Variants in ARHGAP44 observed in about 807,000 individuals in gnomAD.
The protein encoded by ARHGAP44 is rho GTPase-activating protein 44.
ARHGAP44 carries 43 observed loss-of-function variants against 106.8 expected under a neutral mutation model. That is an observed-to-expected ratio of 0.40 (90% CI 0.32 to 0.52). The LOEUF (loss-of-function observed/expected upper bound fraction) is 0.52, where lower values mean the gene tolerates loss of function less well. Among genes scored for constraint, ARHGAP44 ranks in the 20% least tolerant of loss-of-function variants. The probability of loss-of-function intolerance (pLI) is 0.48; values close to 1 mark genes in which losing one functional copy is unlikely to be tolerated. For missense variants in ARHGAP44, 866 were observed against 1,050.5 expected, an observed-to-expected ratio of 0.82 and a Z score of 2.43; for synonymous variants, 439 against 410.3, an observed-to-expected ratio of 1.07 and a Z score of -0.85.
rs773023494 is a variant in ARHGAP44, at chr17:12,980,105, G to A, written c.1811G>A (p.Ser604Asn). 19 of 1,613,688 alleles carry A rather than the reference G, an allele frequency of 1.2e-5. No homozygotes were observed. The highest frequency in any genetic ancestry group is 1.6e-5 in the Non-Finnish European group (19 of 1,179,746). Residue 604 changes from serine (S) to asparagine (N), a missense_variant, in exon 19 of 21, where the codon AGT becomes AAT. By Grantham distance (46) the Ser-to-Asn change is conservative. This residue lies in a region of ARHGAP44 where 418 missense variants were observed against 403.6 expected (regional missense o/e 1.04). Coordinates refer to ENST00000379672, the MANE Select transcript of ARHGAP44 (RefSeq NM_014859.6). ...TCTCCAGGCTCTGCACAGAAAGGAA[G>A]TCCAGGCTCCAGCCAGGGCACAGCC... ...ELSPGSAQKG[S>N]PGSSQGTACA... is the part of the protein sequence containing the mutation.
Position 12,955,971 on chromosome 17 carries a change from A to T in ARHGAP44, c.1241A>T (p.Gln414Leu). 2 of 1,611,548 alleles carry T rather than the reference A, an allele frequency of 1.2e-6. No homozygotes were observed. Among genetic ancestry groups the T allele is most frequent in the Non-Finnish European group, 1.7e-6 (2 of 1,178,080 alleles). Residue 414 changes from glutamine to leucine, a missense_variant, in exon 14 of 21, where the codon CAA becomes CTA. Physicochemically the swap from Gln to Leu is moderately radical, Grantham distance 113 (BLOSUM62 -2). Around this residue, in one of 2 missense-constraint regions of ARHGAP44, gnomAD observed 448 missense variants for 646.9 expected, o/e 0.69. Transcript: ENST00000379672. ...IVLGPNLLWPQAEGNITEMMT... is the reference protein window; with the variant it reads ...IVLGPNLLWPLAEGNITEMMT... ...TTAGGACCCAACCTCCTATGGCCAC[A>T]AGCAGAAGGGTAAGTACAGGGCGGA...
intron 1 of ARHGAP44, among the ~76,000 whole-genome samples, chr17:12,875,198 C>T (rs577524054): frequency 1.3e-5 from 2 of 152,204 alleles, no homozygotes; most frequent in Non-Finnish European, 2.9e-5. Context: ...TTATTTTTAA[C>T]AAATCTTCAA....
At chr17:12,795,970 A>G (rs2033905605) in intron 1 of ARHGAP44, among the ~76,000 whole-genome samples, 1 of 152,062 alleles carries the variant, frequency 6.6e-6, no homozygotes, top group Non-Finnish European at 1.5e-5. Flanking sequence ...ACAGAATTCA[A>G]TTTACTTTTT....
chr17:12,973,568 C>G (rs1251904183), intron 17 of ARHGAP44: 1 of 552,118 alleles, frequency 1.8e-6, no homozygotes, highest in Non-Finnish European at 3.2e-6. Flanking sequence ...AGGGTCCCAG[C>G]AGTGGTGGAG....
chr17:12,975,835 G>T (rs550926993), intron 18 of ARHGAP44, among the ~76,000 whole-genome samples: 2 of 147,158 alleles, frequency 1.4e-5, no homozygotes, highest in African/African-American at 5.0e-5. Flanking sequence ...AGACATGATT[G>T]CTGCCCTTAA....
At chr17:12,832,346 A>C (rs960857279) in intron 1 of ARHGAP44, among the ~76,000 whole-genome samples, 3 of 152,128 alleles carry the variant, frequency 2.0e-5, no homozygotes, top group Admixed American at 6.6e-5. Flanking sequence ...GAGCCAATTT[A>C]TTGATCTGGG....
At position 12,792,187 on chromosome 17, in the gene ARHGAP44, A is replaced by G. The variant is rs909702992; in HGVS notation, c.53+2296A>G. 3.9e-5 allele frequency among the ~76,000 whole-genome samples: 6 copies of G among 152,004 alleles called. 1 individual carries two copies. The highest frequency in any genetic ancestry group is 3.3e-4 in the Admixed American group (5 of 15,260). On this transcript the variant is annotated intron_variant, in intron 1 of 20. Transcript: ENST00000379672. ...ATTTTTTTTGTTTTTTGCTTGGCTG[A>G]GAATGTGCTCCTTCCAAGTAGCTTT...
At chr17:12,911,772 G>T (rs895723433) in intron 4 of ARHGAP44, among the ~76,000 whole-genome samples, 1 of 152,146 alleles carries the variant, frequency 6.6e-6, no homozygotes, top group Non-Finnish European at 1.5e-5. Context: ...TAAAGAAGAG[G>T]CTCGAGTGAT....
At chr17:12,944,017 A>C in intron 9 of ARHGAP44, 52 bp from the exon 10 acceptor site, 1 of 1,535,886 alleles carries the variant, frequency 6.5e-7, no homozygotes, top group Non-Finnish European at 8.8e-7. Flanking sequence ...AGATTCCAGC[A>C]TGAGTGAACT....
At chr17:12,824,050 C>T (rs1454091608) in intron 1 of ARHGAP44, among the ~76,000 whole-genome samples, 1 of 152,068 alleles carries the variant, frequency 6.6e-6, no homozygotes, top group African/African-American at 2.4e-5. Flanking sequence ...CCACATTCTT[C>T]TGGGTTTCTT....
chr17:12,847,510 C>CTTTTTTTTTTTTTTTTTTTTTTTT (rs201835763), intron 1 of ARHGAP44, among the ~76,000 whole-genome samples: 1 of 133,602 alleles, frequency 7.5e-6, no homozygotes, highest in African/African-American at 3.3e-5. Flanking sequence ...GCTACCATCA[C>CTTTTTTTTTTTTTTTTTTTTTTTT]TCTTTTTTTT....
intron 17 of ARHGAP44, 36 bp downstream of exon 17, chr17:12,973,355 A>T (rs1276931020): frequency 6.3e-7 from 1 of 1,597,710 alleles, no homozygotes; most frequent in Non-Finnish European, 8.5e-7. Flanking sequence ...GGCCATGCTC[A>T]GTCTCTTCAA....
intron 1 of ARHGAP44, among the ~76,000 whole-genome samples, chr17:12,856,675 C>T (rs142236669): frequency 6.6e-6 from 1 of 152,120 alleles, no homozygotes; most frequent in Non-Finnish European, 1.5e-5. Context: ...ATCTGCTTCT[C>T]CAAGCTTTGT....
At chr17:12,970,389 GAAAAA>G (rs1006285777) in intron 16 of ARHGAP44, among the ~76,000 whole-genome samples, 8 of 129,430 alleles carry the variant, frequency 6.2e-5, no homozygotes, top group Non-Finnish European at 1.2e-4. Flanking sequence ...AAAAAAAAAA[GAAAAA>G]GAAGAGAAGA....
chr17:12,841,110 TAAC>T, intron 1 of ARHGAP44, among the ~76,000 whole-genome samples: 1 of 152,152 alleles, frequency 6.6e-6, no homozygotes, highest in Non-Finnish European at 1.5e-5. Context: ...AAATATATAA[TAAC>T]CTTAGAAGAG....
chr17:12,855,736 C>T (rs1345665247), intron 1 of ARHGAP44, among the ~76,000 whole-genome samples: 4 of 152,106 alleles, frequency 2.6e-5, no homozygotes, highest in African/African-American at 4.8e-5. Flanking sequence ...TACAGAAGTC[C>T]AATTAAGTGA....
chr17:12,885,402 G>T (rs759262265), intron 1 of ARHGAP44, among the ~76,000 whole-genome samples: 80 of 151,478 alleles, frequency 5.3e-4, no homozygotes, highest in Non-Finnish European at 9.3e-4. Context: ...CATATGGCAA[G>T]TGTATGTTCA....
In ARHGAP44 at chr17:12,917,925, C is replaced by T. The variant is rs114490448; in HGVS notation, c.388-1830C>T. 4.4e-3 allele frequency among the ~76,000 whole-genome samples: 665 copies of T among 152,284 alleles called. 4 individuals are homozygous for T. Among genetic ancestry groups the T allele is most frequent in the African/African-American group, 0.015 (631 of 41,550 alleles). On this transcript the variant is annotated intron_variant, in intron 5 of 20. Transcript: ENST00000379672. ...GGCTTCCTCTCTGAACCACAACGAG[C>T]ACCTCCACATCCCCTGACACTCTCT...
chr17:12,897,357 A>G (rs1183801798), intron 3 of ARHGAP44, among the ~76,000 whole-genome samples: 1 of 150,780 alleles, frequency 6.6e-6, no homozygotes, highest in Admixed American at 6.6e-5. Context: ...TTGGACTGTC[A>G]TGTAATGTGC....
Sources: gnomAD v4.1 joint callset for allele counts (sites outside exome capture counted in the v4.1 genomes callset) on GRCh38, gnomAD v4.1.1 for gene constraint, gnomAD v4.1.1 regional missense constraint, MANE v1.5 for transcripts, NCBI Gene and HGNC (gene_info 2026-07-23, HGNC 2026-07-21) for gene names.